Variants in ADCY9 observed in about 807,000 individuals in gnomAD.
ADCY9 encodes the protein adenylate cyclase type 9.
A neutral mutation model predicts 101.5 loss-of-function variants in ADCY9; 50 were observed. That is an observed-to-expected ratio of 0.49 (90% confidence interval 0.39 to 0.62). The LOEUF (loss-of-function observed/expected upper bound fraction) is 0.62. Among genes scored for constraint, ADCY9 ranks in the 20% least tolerant of loss-of-function variants. The pLI is 0.00. For missense variants in ADCY9, 1,662 were observed against 1,800.4 expected (o/e 0.92, Z 1.39); for synonymous variants, 905 against 769.3 (o/e 1.18, Z -2.92).
chr16:4,094,633 G>GA (rs971410213), intron 2 of ADCY9, among the ~76,000 whole-genome samples: 21 of 136,312 alleles, frequency 1.5e-4, no homozygotes, highest in South Asian at 6.9e-4. Context: ...TCTCTAATAA[G>GA]AAAAAAAAAA....
At chr16:3,998,540 C>T (rs1258330079) in intron 3 of ADCY9, among the ~76,000 whole-genome samples, 3 of 151,606 alleles carry the variant, frequency 2.0e-5, no homozygotes, top group African/African-American at 4.9e-5. Flanking sequence ...GAAAGCCCGT[C>T]TCTACTAAAA....
chr16:4,067,437 G>T (rs1457220438), intron 2 of ADCY9, among the ~76,000 whole-genome samples: 1 of 152,136 alleles, frequency 6.6e-6, no homozygotes, highest in African/African-American at 2.4e-5. Flanking sequence ...ACATGATCTG[G>T]CAGCATTAGA....
chr16:4,047,430 T>A, intron 2 of ADCY9, among the ~76,000 whole-genome samples: 1 of 149,796 alleles, frequency 6.7e-6, no homozygotes, highest in Non-Finnish European at 1.5e-5. Context: ...TTTCTCTAGT[T>A]AAGGGCCTGG....
chr16:3,998,492 C>G (rs1354325157), intron 3 of ADCY9, among the ~76,000 whole-genome samples: 1 of 151,806 alleles, frequency 6.6e-6, no homozygotes, highest in Non-Finnish European at 1.5e-5. Context: ...GGGTGGATCA[C>G]AAGGTCAGGA....
chr16:3,963,153 A>G lies in ADCY9; in HGVS notation c.*2622T>C. On this transcript the variant is annotated 3_prime_UTR_variant, in exon 11 of 11. Transcript: ENST00000294016. ...ATATATATATATATATGGATATATA[A>G]TTCGATCTGAGCTGGGACTGAGAAG... 2 of 203,124 alleles carry G rather than the reference A, an allele frequency of 9.8e-6. No homozygotes were observed. Among genetic ancestry groups the G allele is most frequent in the Non-Finnish European group, 8.5e-6 (1 of 118,104 alleles). The allele number at this position is 203,124 out of a possible 1,614,324, so 12.6% of individuals were successfully genotyped here.
intron 2 of ADCY9, among the ~76,000 whole-genome samples, chr16:4,042,215 G>A (rs550672992): frequency 2.6e-5 from 4 of 152,088 alleles, no homozygotes; most frequent in South Asian, 2.1e-4. Flanking sequence ...GAGCCACGGC[G>A]CCCAGCTGAC....
At chr16:4,090,204 C>T (rs1047920722) in intron 2 of ADCY9, among the ~76,000 whole-genome samples, 1 of 152,096 alleles carries the variant, frequency 6.6e-6, no homozygotes, top group Non-Finnish European at 1.5e-5. Flanking sequence ...TGGATACTTC[C>T]AAGCCCAACT....
chr16:3,959,362 CAAAAAAA>C (rs71133675), downstream of ADCY9, among the ~76,000 whole-genome samples: 94 of 133,504 alleles, frequency 7.0e-4, no homozygotes, highest in Non-Finnish European at 7.6e-4. Flanking sequence ...ACTCTTATCT[CAAAAAAA>C]AAAAAAAAAA....
At chr16:4,056,772 G>A (rs1410977315) in intron 2 of ADCY9, among the ~76,000 whole-genome samples, 1 of 152,228 alleles carries the variant, frequency 6.6e-6, no homozygotes, top group East Asian at 1.9e-4. Context: ...AATATGTGCT[G>A]TTGTTATAAT....
intron 2 of ADCY9, among the ~76,000 whole-genome samples, chr16:4,025,832 A>G (rs1412999835): frequency 1.3e-5 from 2 of 152,184 alleles, no homozygotes; most frequent in African/African-American, 4.8e-5. Flanking sequence ...CAGTGGGGAC[A>G]GCAAAGTAGG....
intron 4 of ADCY9, 49 bp downstream of exon 4, chr16:3,993,357 G>A: frequency 3.1e-6 from 5 of 1,601,446 alleles, no homozygotes; most frequent in Non-Finnish European, 3.4e-6. Context: ...ACCTTGGGTG[G>A]ATGCGCCAGG....
intron 5 of ADCY9, among the ~76,000 whole-genome samples, chr16:3,956,188 C>G (rs2055905381): frequency 6.6e-6 from 1 of 152,190 alleles, no homozygotes. Flanking sequence ...GAATGAGCAA[C>G]TGCACCCAGG....
At chr16:3,983,768 C>T in intron 6 of ADCY9, 1 of 305,272 alleles carries the variant, frequency 3.3e-6, no homozygotes, top group Non-Finnish European at 6.2e-6. Flanking sequence ...CTACAAAAAA[C>T]TTTAAAATTA....
Position 3,979,141 on chromosome 16 carries a change from G to A in ADCY9, c.2654C>T (p.Thr885Ile), listed in dbSNP as rs1303982675. The change falls in exon 8 of 11, where the codon ACC becomes ATC. Residue 885 changes from threonine to isoleucine, a missense_variant. Thr to Ile is a moderately conservative substitution (Grantham distance 89, BLOSUM62 -1). Around this residue, in one of 5 missense-constraint regions of ADCY9, gnomAD observed 624 missense variants for 639.1 expected, o/e 0.98. Transcript: ENST00000294016. ...GTGTATGTTGGTCTCATATTCGGAG[G>A]TGACATGGGAGTAGACGGCCAGTGC... is the stretch of plus-strand genomic sequence containing the variant. ...LPALAVYSHV[T>I]SEYETNIHFP... 4 of 1,614,118 alleles carry A rather than the reference G, an allele frequency of 2.5e-6. No homozygotes were observed. Among genetic ancestry groups the A allele is most frequent in the African/African-American group, 1.3e-5 (1 of 74,940 alleles).
chr16:3,983,609 G>A (rs991838243), intron 6 of ADCY9, 169 bp from the exon 7 acceptor site: 2 of 624,368 alleles, frequency 3.2e-6, no homozygotes, highest in Non-Finnish European at 5.6e-6. Flanking sequence ...TTTAACACTG[G>A]GGAGTCCAAG....
chr16:4,053,167 G>A (rs1424139511), intron 2 of ADCY9, among the ~76,000 whole-genome samples: 1 of 152,156 alleles, frequency 6.6e-6, no homozygotes, highest in Admixed American at 6.5e-5. Context: ...TTCCGGCCAC[G>A]CATCACACGC....
intron 2 of ADCY9, among the ~76,000 whole-genome samples, chr16:4,072,613 T>C (rs755008571): frequency 1.1e-4 from 16 of 151,874 alleles, no homozygotes; most frequent in Admixed American, 2.0e-4. Context: ...TAAATGTTTC[T>C]AAGAAAAAAG....
Position 3,966,152 on chromosome 16 carries a change from C to A in ADCY9, c.3685G>T (p.Val1229Leu). 6.2e-7 allele frequency: 1 copy of A among 1,614,238 alleles called. No homozygotes were observed. The highest frequency in any genetic ancestry group is 1.1e-5 in the South Asian group (1 of 91,090). ...ATCTGGCCTTTCCCCTTGACATTCA[C>A]GGTCCCTCTGTAGTCGAAGTCATAG... ...MGYDFDYRGT[V>L]NVKGKGQMKT... The change falls in exon 11 of 11, where the codon GTG (valine) becomes TTG (leucine). Residue 1229 changes from valine (V) to leucine (L), a missense_variant. Physicochemically the swap from Val to Leu is conservative, Grantham distance 32 (BLOSUM62 1). Transcript: ENST00000294016.
At chr16:4,076,002 C>G (rs2056864826) in intron 2 of ADCY9, among the ~76,000 whole-genome samples, 2 of 152,142 alleles carry the variant, frequency 1.3e-5, no homozygotes, top group African/African-American at 4.8e-5. Context: ...GGAGAAAAGG[C>G]AGGCACAAAA....
Sources: allele counts gnomAD v4.1 joint callset (sites outside exome capture counted in the v4.1 genomes callset), GRCh38; gene constraint gnomAD v4.1.1; regional missense constraint gnomAD v4.1.1; transcripts MANE v1.5; gene names NCBI Gene and HGNC (gene_info 2026-07-23, HGNC 2026-07-21).